PHLPP1: variants seen among roughly 807,000 people sequenced by gnomAD.
PHLPP1 encodes the protein PH domain leucine-rich repeat-containing protein phosphatase 1.
Under a neutral mutation model 117.2 loss-of-function variants are expected in PHLPP1, and 42 were observed. The ratio of observed to expected loss-of-function variants is 0.36; its 90% CI spans 0.28 to 0.46. The LOEUF is 0.46. PHLPP1 is among the 20% of genes least tolerant of loss of function. The probability of loss-of-function intolerance (pLI) is 1.00; values close to 1 mark genes in which losing one functional copy is unlikely to be tolerated. For synonymous variants in PHLPP1, 1,042 were observed against 970.7 expected (o/e 1.07, Z -1.37); for missense variants, 2,084 against 2,241.9 (o/e 0.93, Z 1.42).
intron 12 of PHLPP1, among the ~76,000 whole-genome samples, chr18:62,958,288 C>G (rs1284608637): frequency 6.6e-6 from 1 of 152,250 alleles, no homozygotes; most frequent in South Asian, 2.1e-4. Flanking sequence ...AGCTATAGTT[C>G]TCATGGCACG....
At chr18:62,962,406 C>G (rs746265057) in intron 13 of PHLPP1, among the ~76,000 whole-genome samples, 3 of 152,220 alleles carry the variant, frequency 2.0e-5, no homozygotes, top group Non-Finnish European at 4.4e-5. Context: ...CTCCCGAGTT[C>G]AAGTGATCCT....
intron 1 of PHLPP1, among the ~76,000 whole-genome samples, chr18:62,777,820 C>T (rs1191603785): frequency 6.6e-6 from 1 of 152,176 alleles, no homozygotes; most frequent in East Asian, 1.9e-4. Context: ...TTGTTTTTGT[C>T]TCTCACATTA....
intron 1 of PHLPP1, among the ~76,000 whole-genome samples, chr18:62,722,094 G>A (rs1416845414): frequency 2.0e-5 from 3 of 152,134 alleles, no homozygotes; most frequent in Non-Finnish European, 4.4e-5. Flanking sequence ...ACACACAGCG[G>A]CATTTCTCCC....
intron 16 of PHLPP1, among the ~76,000 whole-genome samples, chr18:62,977,021 G>A (rs1179531351): frequency 6.6e-6 from 1 of 152,180 alleles, no homozygotes; most frequent in East Asian, 1.9e-4. Context: ...AATCTAAAGG[G>A]ATGGACAGAA....
At chr18:62,899,871 T>G (rs1038385664) in intron 6 of PHLPP1, among the ~76,000 whole-genome samples, 11 of 152,224 alleles carry the variant, frequency 7.2e-5, no homozygotes, top group Admixed American at 3.3e-4. Flanking sequence ...GACCGCAGTT[T>G]GTTGCCTAGG....
intron 1 of PHLPP1, among the ~76,000 whole-genome samples, chr18:62,781,381 T>C (rs1222357075): frequency 1.3e-5 from 2 of 152,220 alleles, no homozygotes; most frequent in African/African-American, 2.4e-5. Flanking sequence ...GGCCTCGCCA[T>C]GGACAGTAGA....
intron 10 of PHLPP1, among the ~76,000 whole-genome samples, chr18:62,927,865 A>G (rs926916509): frequency 2.0e-5 from 3 of 152,172 alleles, no homozygotes; most frequent in African/African-American, 7.2e-5. Context: ...GTACATGTGA[A>G]AAAGAGTATC....
chr18:62,771,029 C>T (rs1488327604), intron 1 of PHLPP1, among the ~76,000 whole-genome samples: 1 of 151,964 alleles, frequency 6.6e-6, no homozygotes. Context: ...GACCAGCCAA[C>T]ATGGTGTAAA....
chr18:62,862,069 A>G (rs956873398), intron 4 of PHLPP1, among the ~76,000 whole-genome samples: 1 of 150,800 alleles, frequency 6.6e-6, no homozygotes, highest in African/African-American at 2.4e-5. Flanking sequence ...TGTTAATATC[A>G]CCACTGATCT....
At position 62,935,519 on chromosome 18, in the gene PHLPP1, A is replaced by G. The variant is rs1030282726; in HGVS notation, c.2961-6199A>G. Among the ~76,000 whole-genome samples, 3 of 152,230 alleles carry G rather than the reference A, an allele frequency of 2.0e-5. No homozygotes were observed. In the East Asian group the frequency reaches 5.8e-4, roughly 29 times the overall value. On this transcript the variant is annotated intron_variant, in intron 10 of 16. Transcript: ENST00000262719. ...TTTTATGATCAAGTTAGACAAATTGATGCTACTGTTCATATGGTTAAAAGA... is the reference window on the plus strand; with the variant it reads ...TTTTATGATCAAGTTAGACAAATTGGTGCTACTGTTCATATGGTTAAAAGA...
chr18:62,965,521 G>A (rs1018775696), intron 14 of PHLPP1, among the ~76,000 whole-genome samples: 9 of 143,806 alleles, frequency 6.3e-5, no homozygotes, highest in African/African-American at 1.6e-4. Context: ...GTGCAATGGC[G>A]CAATCTCGGC....
At chr18:62,933,282 C>T (rs2144442552) in intron 10 of PHLPP1, among the ~76,000 whole-genome samples, 1 of 152,154 alleles carries the variant, frequency 6.6e-6, no homozygotes, top group East Asian at 1.9e-4. Flanking sequence ...TGTGGAAACA[C>T]AAAAGAGCCA....
chr18:62,853,465 G>T (rs1915412428), intron 3 of PHLPP1, among the ~76,000 whole-genome samples: 1 of 151,826 alleles, frequency 6.6e-6, no homozygotes, highest in African/African-American at 2.4e-5. Flanking sequence ...TGCCTCTCGG[G>T]TTCAAGCGAT....
intron 1 of PHLPP1, among the ~76,000 whole-genome samples, chr18:62,721,480 T>G (rs952414874): frequency 6.6e-6 from 1 of 151,938 alleles, no homozygotes; most frequent in Admixed American, 6.6e-5. Flanking sequence ...TCAGTTGCTT[T>G]AAAACATGGC....
At chr18:62,935,021 A>G (rs550733001) in intron 10 of PHLPP1, among the ~76,000 whole-genome samples, 23 of 152,336 alleles carry the variant, frequency 1.5e-4, no homozygotes, top group Non-Finnish European at 2.9e-4. Context: ...TATATTAGAT[A>G]TATTAGCCAG....
At chr18:62,824,925 A>G (rs1157991517) in intron 1 of PHLPP1, among the ~76,000 whole-genome samples, 2 of 149,328 alleles carry the variant, frequency 1.3e-5, no homozygotes, top group Non-Finnish European at 3.0e-5. Flanking sequence ...ATGAGCCAAT[A>G]TATATACTTT....
intron 1 of PHLPP1, among the ~76,000 whole-genome samples, chr18:62,734,566 GAGC>G (rs1399315790): frequency 1.3e-5 from 2 of 152,154 alleles, no homozygotes; most frequent in African/African-American, 4.8e-5. Flanking sequence ...ACTGGAAAAT[GAGC>G]TGCTTTTTGC....
chr18:62,874,343 A>G (rs904645120), intron 4 of PHLPP1, among the ~76,000 whole-genome samples: 2 of 152,010 alleles, frequency 1.3e-5, no homozygotes, highest in African/African-American at 4.8e-5. Context: ...CCCTATCTCT[A>G]CTAAAAATAC....
intron 10 of PHLPP1, among the ~76,000 whole-genome samples, chr18:62,929,355 T>C (rs1909739175): frequency 6.6e-6 from 1 of 152,190 alleles, no homozygotes; most frequent in South Asian, 2.1e-4. Context: ...AAATAAATTG[T>C]AATTTATAAA....
Sources: allele counts gnomAD v4.1 joint callset (sites outside exome capture counted in the v4.1 genomes callset), GRCh38; gene constraint gnomAD v4.1.1; transcripts MANE v1.5; gene names NCBI Gene and HGNC (gene_info 2026-07-23, HGNC 2026-07-21).